Variants in C8orf34 observed in about 807,000 individuals in gnomAD.
C8orf34 encodes the protein uncharacterized protein C8orf34.
C8orf34 carries 65 observed loss-of-function variants against 68.3 expected under a neutral mutation model. That is an observed-to-expected ratio of 0.95 (90% CI 0.78 to 1.17). The LOEUF (loss-of-function observed/expected upper bound fraction) is 1.17. Ranked by LOEUF, C8orf34 falls within the 50% of genes most tolerant of loss-of-function variation. C8orf34 has a pLI of 0.00. For synonymous variants in C8orf34, 244 were observed against 241.2 expected, an observed-to-expected ratio of 1.01 and a Z score of -0.11; for missense variants, 664 against 655.4, an observed-to-expected ratio of 1.01 and a Z score of -0.14.
intron 8 of C8orf34, among the ~76,000 whole-genome samples, chr8:68,653,154 A>G (rs1421501994): frequency 6.6e-6 from 1 of 152,244 alleles, no homozygotes; most frequent in Non-Finnish European, 1.5e-5. Flanking sequence ...TAAGGTTACT[A>G]AAATTTAAAA....
intron 5 of C8orf34, among the ~76,000 whole-genome samples, chr8:68,493,463 C>G (rs1186661337): frequency 6.6e-6 from 1 of 152,008 alleles, no homozygotes; most frequent in African/African-American, 2.4e-5. Flanking sequence ...AGAAAACAAA[C>G]AAACAAAATG....
chr8:68,600,925 A>G (rs1419462723), intron 7 of C8orf34, among the ~76,000 whole-genome samples: 1 of 152,124 alleles, frequency 6.6e-6, no homozygotes, highest in Non-Finnish European at 1.5e-5. Flanking sequence ...TCGCACACAC[A>G]CTTCCCAGCC....
chr8:68,584,860 A>G (rs1325837972), intron 7 of C8orf34, among the ~76,000 whole-genome samples: 1 of 152,206 alleles, frequency 6.6e-6, no homozygotes, highest in Non-Finnish European at 1.5e-5. Context: ...GATTCCATAA[A>G]GAACATGGAC....
intron 1 of C8orf34, among the ~76,000 whole-genome samples, chr8:68,415,804 C>CA (rs1366480710): frequency 6.6e-6 from 1 of 152,212 alleles, no homozygotes; most frequent in East Asian, 1.9e-4. Flanking sequence ...ATGCTGTCTA[C>CA]AGCCACCAAG....
chr8:68,602,814 A>G (rs1192534540), intron 7 of C8orf34, among the ~76,000 whole-genome samples: 5 of 152,060 alleles, frequency 3.3e-5, no homozygotes, highest in Admixed American at 2.0e-4. Flanking sequence ...CACTGAAACC[A>G]TGCAGAGAGG....
intron 7 of C8orf34, among the ~76,000 whole-genome samples, chr8:68,607,546 A>G (rs932687697): frequency 6.6e-6 from 1 of 152,134 alleles, no homozygotes; most frequent in African/African-American, 2.4e-5. Context: ...AAAGACCCCT[A>G]TCTCCAAATA....
intron 3 of C8orf34, among the ~76,000 whole-genome samples, chr8:68,451,662 G>A (rs1170088050): frequency 2.0e-5 from 3 of 152,052 alleles, no homozygotes; most frequent in South Asian, 2.1e-4. Flanking sequence ...ATCTTACATG[G>A]GTGTGGTTTG....
intron 7 of C8orf34, among the ~76,000 whole-genome samples, chr8:68,616,474 A>G (rs894791741): frequency 1.3e-5 from 2 of 152,134 alleles, no homozygotes; most frequent in Admixed American, 6.6e-5. Flanking sequence ...TGTCCCAGAG[A>G]TTCTGGCATG....
At position 68,414,001 on chromosome 8, in the gene C8orf34, A is replaced by G. The variant is rs181317753; in HGVS notation, c.328-25498A>G. Among the ~76,000 whole-genome samples, 305 of 152,252 alleles carry G rather than the reference A, an allele frequency of 2.0e-3. 2 individuals are homozygous for G. The highest frequency in any genetic ancestry group is 1.3e-3 in the Non-Finnish European group (88 of 68,008). On this transcript the variant is annotated intron_variant, in intron 1 of 13. Coordinates refer to ENST00000518698, the MANE Select transcript of C8orf34 (RefSeq NM_052958.4). ...TGTGAGCACTTTAACAATTCTTTTT[A>G]ATGTATCAACCTCTCCAATACCCTG...
intron 7 of C8orf34, among the ~76,000 whole-genome samples, chr8:68,608,862 C>T (rs935159035): frequency 2.0e-5 from 3 of 152,024 alleles, no homozygotes; most frequent in African/African-American, 7.2e-5. Context: ...TGAAGTGAAA[C>T]AAGTGACTAT....
At chr8:68,742,318 C>A (rs1039101797) in intron 10 of C8orf34, among the ~76,000 whole-genome samples, 3 of 152,168 alleles carry the variant, frequency 2.0e-5, no homozygotes, top group Non-Finnish European at 4.4e-5. Context: ...ATTCTCCCTA[C>A]CAATTATTCC....
At position 68,686,006 on chromosome 8, in the gene C8orf34, C is replaced by A. The variant is rs1303892457; in HGVS notation, c.1242-22988C>A. Among the ~76,000 whole-genome samples the A allele has an allele frequency of 2.0e-5, 3 of 151,908 alleles. No individual in the cohort carries two copies. The East Asian group carries it at 5.8e-4, about 29-fold the overall frequency. The stretch of plus-strand genomic sequence containing the variant: ...AGATCATTCGAGACTACTATGAACA[C>A]ATTTATGTGCACAAACTAGACAATC... On this transcript the variant is annotated intron_variant, in intron 8 of 13. Transcript: ENST00000518698.
intron 10 of C8orf34, among the ~76,000 whole-genome samples, chr8:68,750,475 T>A (rs1822672219): frequency 6.6e-6 from 1 of 152,084 alleles, no homozygotes; most frequent in East Asian, 1.9e-4. Flanking sequence ...GAAGTGAGTA[T>A]TTAATGGATT....
chr8:68,485,621 A>G (rs1813040859), intron 4 of C8orf34, among the ~76,000 whole-genome samples: 1 of 151,930 alleles, frequency 6.6e-6, no homozygotes, highest in Non-Finnish European at 1.5e-5. Context: ...CTGAGGCAGG[A>G]GAATCGTTTG....
At chr8:68,378,069 G>A (rs1341022502) in intron 1 of C8orf34, among the ~76,000 whole-genome samples, 5 of 152,166 alleles carry the variant, frequency 3.3e-5, no homozygotes, top group East Asian at 3.9e-4. Context: ...GGATTATGGA[G>A]ATAATTCAAG....
intron 8 of C8orf34, among the ~76,000 whole-genome samples, chr8:68,655,192 T>C (rs1195571713): frequency 6.6e-6 from 1 of 152,176 alleles, no homozygotes; most frequent in Non-Finnish European, 1.5e-5. Context: ...AAATTAGCTT[T>C]GGATTTAATT....
chr8:68,483,517 A>C (rs1264814999), intron 4 of C8orf34, among the ~76,000 whole-genome samples: 3 of 152,180 alleles, frequency 2.0e-5, no homozygotes, highest in African/African-American at 7.2e-5. Context: ...GGACAACTGA[A>C]GTACGATAGC....
intron 7 of C8orf34, among the ~76,000 whole-genome samples, chr8:68,630,699 A>G (rs1818664276): frequency 6.6e-6 from 1 of 152,102 alleles, no homozygotes; most frequent in Non-Finnish European, 1.5e-5. Context: ...CTATATTCCA[A>G]AAAAGTCCTA....
chr8:68,387,415 G>A (rs1257006666), intron 1 of C8orf34, among the ~76,000 whole-genome samples: 1 of 152,166 alleles, frequency 6.6e-6, no homozygotes, highest in Non-Finnish European at 1.5e-5. Context: ...GAGGCAGCAG[G>A]TGAGGACTAT....
Sources: gnomAD v4.1 joint callset for allele counts (sites outside exome capture counted in the v4.1 genomes callset) on GRCh38, gnomAD v4.1.1 for gene constraint, MANE v1.5 for transcripts, NCBI Gene and HGNC (gene_info 2026-07-23, HGNC 2026-07-21) for gene names.